ASAP3: variants seen among roughly 807,000 people sequenced by gnomAD.
The protein encoded by ASAP3 is arf-GAP with SH3 domain, ANK repeat and PH domain-containing protein 3.
Under a neutral mutation model 118.2 loss-of-function variants are expected in ASAP3, and 85 were observed. That is an observed-to-expected ratio of 0.72 (90% CI 0.60 to 0.86). ASAP3 has a LOEUF of 0.86. Among genes scored for constraint, ASAP3 ranks in the 40% least tolerant of loss-of-function variants. The pLI is 0.00. For missense variants in ASAP3, 1,026 were observed against 1,175.0 expected, an observed-to-expected ratio of 0.87 and a Z score of 1.85; for synonymous variants, 432 against 477.4, an observed-to-expected ratio of 0.90 and a Z score of 1.24.
chr1:23,484,071 C>T lies in ASAP3; in HGVS notation c.63G>A (p.Pro21=), dbSNP rs960427026. The change falls in exon 1 of 25, where the codon CCG becomes CCA. Residue 21 remains proline (P), a synonymous_variant. Transcript: ENST00000336689. ...TGGCGGCGAAGGCGGCGGCCCCAGC[C>T]GGGGAGCTGAGGTCCTCCGCGGTGA... ...LAVTAEDLSS[P]AGAAAFAAKM... The T allele has an allele frequency of 3.7e-6, 5 of 1,351,280 alleles. No individual in the cohort carries two copies. In the African/African-American group the frequency reaches 4.5e-5, roughly 12 times the overall value. 83.7% of individuals were successfully genotyped at this position (1,351,280 alleles called of 1,614,324 possible). A position where few individuals can be genotyped will look rare whatever the true frequency, so the allele number is the denominator to read the frequency against.
At chr1:23,434,817 C>T (rs1042380566) in intron 17 of ASAP3, among the ~76,000 whole-genome samples, 199 bp from the exon 18 acceptor site, 5 of 152,174 alleles carry the variant, frequency 3.3e-5, no homozygotes, top group African/African-American at 1.2e-4. Context: ...CCATTCACGG[C>T]TCTTCCTCCT....
At chr1:23,448,756 T>C (rs1023436664) in intron 5 of ASAP3, among the ~76,000 whole-genome samples, 12 of 152,206 alleles carry the variant, frequency 7.9e-5, no homozygotes, top group Non-Finnish European at 1.8e-4. Context: ...CTCCTAGTTA[T>C]AATTTTTAGG....
Position 23,464,241 on chromosome 1 carries a change from C to T in ASAP3, c.130-8047G>A, listed in dbSNP as rs186158869. Among the ~76,000 whole-genome samples, 292 of 151,464 alleles carry T rather than the reference C, an allele frequency of 1.9e-3. 3 individuals carry two copies. Among genetic ancestry groups the T allele is most frequent in the Non-Finnish European group, 2.3e-3 (153 of 67,860 alleles). ...TCTCTCTGTTGCCCAGGTTGGAGTG[C>T]AGTGGTGTGATCTCGGCTCACTGCA... On this transcript the variant is annotated intron_variant, in intron 1 of 24. Coordinates refer to ENST00000336689, the MANE Select transcript of ASAP3 (RefSeq NM_017707.4).
chr1:23,474,583 TA>T (rs1327182953), intron 1 of ASAP3, among the ~76,000 whole-genome samples: 1 of 152,004 alleles, frequency 6.6e-6, no homozygotes, highest in Non-Finnish European at 1.5e-5. Flanking sequence ...TTTATTTATT[TA>T]TTTATTTTTA....
rs535978345 is a variant in ASAP3 at position 23,437,042 on chromosome 1, G to A, written c.1345C>T (p.Pro449Ser). 9.8e-5 allele frequency: 157 copies of A among 1,610,092 alleles called. 1 individual carries two copies. In the South Asian group the frequency reaches 1.6e-3, roughly 16 times the overall value. ...CCCAGGTTGGTGCTGAGCCACGTGG[G>A]GTCTGCAGAGGAAAGCAGCTGGAGC... Reference protein sequence around the residue: ...SQCCDCGAADPTWLSTNLGVL... With the variant: ...SQCCDCGAADSTWLSTNLGVL... Residue 449 changes from proline (P) to serine (S), a missense_variant and splice_region_variant, in exon 15 of 25, where the codon CCC (proline) becomes TCC (serine). Coordinates refer to ENST00000336689, the MANE Select transcript of ASAP3 (RefSeq NM_017707.4). This position sits in a 1 kb window ranked among gnomAD's most constrained non-coding sequence, Gnocchi z 6.1.
chr1:23,441,621 T>C, intron 8 of ASAP3, 34 bp downstream of exon 8: 3 of 1,612,780 alleles, frequency 1.9e-6, no homozygotes, highest in Non-Finnish European at 2.5e-6. Flanking sequence ...GACAGGGGGC[T>C]TGATCACGTG....
chr1:23,435,466 T>C (rs1558112276), intron 17 of ASAP3, among the ~76,000 whole-genome samples: 1 of 152,266 alleles, frequency 6.6e-6, no homozygotes, highest in African/African-American at 2.4e-5. Flanking sequence ...GGCTCTAAAC[T>C]GACATGCCCT....
At position 23,456,113 on chromosome 1, in the gene ASAP3, C is replaced by T; in HGVS notation, c.202+9G>A. 1 of 1,614,140 alleles carries T rather than the reference C, an allele frequency of 6.2e-7. No homozygotes were observed. The highest frequency in any genetic ancestry group is 8.5e-7 in the Non-Finnish European group (1 of 1,180,024). ...CTGACCAGGCGGGGCACCCAGGAGG[C>T]TCACTTACCAAGGCCGGAGCTATGG... On this transcript the variant is annotated intron_variant, in intron 2 of 24. Transcript: ENST00000336689.
chr1:23,464,384 G>A (rs922743801), intron 1 of ASAP3, among the ~76,000 whole-genome samples: 2 of 151,218 alleles, frequency 1.3e-5, no homozygotes, highest in Admixed American at 6.6e-5. Context: ...ATGGGGTTTC[G>A]CCATGTTGGC....
At chr1:23,462,621 T>C (rs1641630823) in intron 1 of ASAP3, among the ~76,000 whole-genome samples, 2 of 151,938 alleles carry the variant, frequency 1.3e-5, no homozygotes, top group African/African-American at 4.8e-5. Flanking sequence ...TAGCCGGGCA[T>C]GGTGGCATGT....
Position 23,435,942 on chromosome 1 carries a change from G to C in ASAP3, c.1658C>G (p.Thr553Arg). Residue 553 changes from threonine (T) to arginine (R), a missense_variant, in exon 17 of 25, where the codon ACA (threonine) becomes AGA (arginine). Thr to Arg is a moderately conservative substitution (Grantham distance 71, BLOSUM62 -1). Coordinates refer to ENST00000336689, the MANE Select transcript of ASAP3 (RefSeq NM_017707.4). ...CAGGAGGTCCCTGTTGCAAATGGCT[G>C]TCCAGAGTCGCTGAGGCTCAGGTGT... ...RCTPEPQRLW[T>R]AICNRDLLSV... 1.2e-6 allele frequency: 2 copies of C among 1,614,268 alleles called. No individual in the cohort carries two copies. The highest frequency in any genetic ancestry group is 1.7e-6 in the Non-Finnish European group (2 of 1,180,054).
chr1:23,451,380 C>T, intron 5 of ASAP3, 99 bp downstream of exon 5: 2 of 1,345,072 alleles, frequency 1.5e-6, no homozygotes, highest in Non-Finnish European at 2.1e-6. Flanking sequence ...CCAGATGTCA[C>T]CCAATTCTGG....
intron 1 of ASAP3, among the ~76,000 whole-genome samples, chr1:23,472,774 T>A (rs568003836): frequency 6.6e-6 from 1 of 152,320 alleles, no homozygotes; most frequent in East Asian, 1.9e-4. Flanking sequence ...TTTTAAAAAA[T>A]TACTAAGTAC....
At chr1:23,459,874 A>G (rs961606031) in intron 1 of ASAP3, among the ~76,000 whole-genome samples, 4 of 152,196 alleles carry the variant, frequency 2.6e-5, no homozygotes, top group African/African-American at 7.2e-5. Context: ...CCCAGTGTCC[A>G]TTCTCTCTTC....
chr1:23,456,249 C>T, intron 1 of ASAP3, 55 bp from the exon 2 acceptor site: 1 of 1,531,282 alleles, frequency 6.5e-7, no homozygotes, highest in South Asian at 1.1e-5. Context: ...TAGGGTGCTT[C>T]CTTCAGGAAC....
At chr1:23,434,755 G>T in intron 17 of ASAP3, 137 bp from the exon 18 acceptor site, 1 of 751,276 alleles carries the variant, frequency 1.3e-6, no homozygotes, top group Non-Finnish European at 2.2e-6. Context: ...GAGACTGCAA[G>T]GGCAGAGCCT....
chr1:23,484,545 C>CT (rs1398579845), upstream of ASAP3: 10 of 156,048 alleles, frequency 6.4e-5, no homozygotes, highest in African/African-American at 2.4e-4. Context: ...TTTCATCCCG[C>CT]TCTGGGTCTT....
intron 4 of ASAP3, 136 bp downstream of exon 4, chr1:23,452,561 C>G (rs529619315): frequency 1.1e-6 from 1 of 938,386 alleles, no homozygotes; most frequent in African/African-American, 1.6e-5. Context: ...TCCTCCAGAC[C>G]TCCCCAGGCT....
Position 23,437,524 on chromosome 1 carries a change from C to T in ASAP3, c.1103-52G>A. The T allele has an allele frequency of 6.2e-7, 1 of 1,608,306 alleles. No individual in the cohort carries two copies. The highest frequency in any genetic ancestry group is 2.2e-5 in the East Asian group (1 of 44,812). On this transcript the variant is annotated intron_variant, in intron 12 of 24. Transcript: ENST00000336689. This position sits in a 1 kb window ranked among gnomAD's most constrained non-coding sequence, Gnocchi z 6.1. ...CCCACAGAAATGCTGCTGGCCTTCC[C>T]GGAGCCCAGGGAGCCCCCACCAAAG...
Sources: allele counts gnomAD v4.1 joint callset (sites outside exome capture counted in the v4.1 genomes callset), GRCh38; gene constraint gnomAD v4.1.1; non-coding constraint Gnocchi (gnomAD v3.1); transcripts MANE v1.5; gene names NCBI Gene and HGNC (gene_info 2026-07-23, HGNC 2026-07-21).